The following KANSL1 variants were observed in gnomAD, a reference collection of about 807,000 sequenced individuals.
KANSL1 encodes the protein MLL1/MLL complex subunit KANSL1.
KANSL1 carries 22 observed loss-of-function variants against 103.6 expected under a neutral mutation model. That is an observed-to-expected ratio of 0.21 (90% CI 0.15 to 0.30). The LOEUF (loss-of-function observed/expected upper bound fraction) is 0.30. KANSL1 is among the 10% of genes least tolerant of loss of function. The pLI, the probability that KANSL1 is intolerant of heterozygous loss-of-function variation, is 1.00. For missense variants in KANSL1, 1,337 were observed against 1,399.8 expected, an observed-to-expected ratio of 0.96 and a Z score of 0.72; for synonymous variants, 600 against 527.6, an observed-to-expected ratio of 1.14 and a Z score of -1.88.
intron 1 of KANSL1, among the ~76,000 whole-genome samples, chr17:46,179,614 GA>G (rs2046686484): frequency 6.6e-6 from 1 of 152,224 alleles, no homozygotes; most frequent in East Asian, 1.9e-4. Flanking sequence ...AAGTGTCCAT[GA>G]AGTTGCCGCA....
At chr17:46,094,395 C>T in intron 3 of KANSL1, 165 bp downstream of exon 3, 6 of 844,498 alleles carry the variant, frequency 7.1e-6, no homozygotes, top group Non-Finnish European at 1.1e-5. Context: ...CCACGCGCAG[C>T]CACATCAGGT....
intron 7 of KANSL1, chr17:46,041,020 T>C (rs562729678): frequency 6.6e-6 from 1 of 152,306 alleles, no homozygotes; most frequent in South Asian, 2.1e-4. Context: ...AAAATACTGA[T>C]AGAAATACGG....
At chr17:46,113,798 G>A (rs553995481) in intron 2 of KANSL1, among the ~76,000 whole-genome samples, 2 of 152,258 alleles carry the variant, frequency 1.3e-5, no homozygotes, top group East Asian at 3.9e-4. Context: ...CATTTCAGAT[G>A]TTTCAAGAAA....
At chr17:46,077,683 G>A (rs1463425671) in intron 4 of KANSL1, among the ~76,000 whole-genome samples, 3 of 151,956 alleles carry the variant, frequency 2.0e-5, no homozygotes, top group African/African-American at 4.8e-5. Context: ...TCAGCCTCCC[G>A]AGTAGCTGGG....
intron 10 of KANSL1, chr17:46,037,393 A>T (rs1478720162): frequency 6.6e-6 from 1 of 152,246 alleles, no homozygotes; most frequent in African/African-American, 2.4e-5. Context: ...TTGTAACAGC[A>T]AAGAGAGAAC....
chr17:46,080,014 GGAGA>G (rs1043838141), intron 4 of KANSL1, among the ~76,000 whole-genome samples: 4 of 150,808 alleles, frequency 2.7e-5, no homozygotes, highest in African/African-American at 9.8e-5. Flanking sequence ...AAGAGAGAGG[GGAGA>G]GAGAGACAGA....
intron 2 of KANSL1, among the ~76,000 whole-genome samples, chr17:46,157,853 C>A (rs1267104012): frequency 6.6e-6 from 1 of 152,242 alleles, no homozygotes; most frequent in Admixed American, 6.5e-5. Flanking sequence ...GAATAAGGAT[C>A]TTGAAAAATT....
At chr17:46,209,115 G>A (rs1485223537) in intron 1 of KANSL1, among the ~76,000 whole-genome samples, 1 of 152,068 alleles carries the variant, frequency 6.6e-6, no homozygotes, top group East Asian at 2.0e-4. Flanking sequence ...CCCGGGAGTC[G>A]GAGGTTGCAG....
Position 46,034,298 on chromosome 17 carries a change from A to T in KANSL1, c.2542-13T>A. 1 of 1,612,912 alleles carries T rather than the reference A, an allele frequency of 6.2e-7. No individual in the cohort carries two copies. Among genetic ancestry groups the T allele is most frequent in the Non-Finnish European group, 8.5e-7 (1 of 1,179,572 alleles). On this transcript the variant is annotated splice_polypyrimidine_tract_variant and intron_variant, in intron 10 of 14. Coordinates refer to ENST00000432791, the MANE Select transcript of KANSL1 (RefSeq NM_015443.4). ...TTACTGGCTGCTGCTGTAAGATAAAAATTAAGTTTAAAAGGAAGGTACAAT... is the reference window on the plus strand; with the variant it reads ...TTACTGGCTGCTGCTGTAAGATAAATATTAAGTTTAAAAGGAAGGTACAAT...
chr17:46,089,349 C>T (rs1485856797), intron 3 of KANSL1, among the ~76,000 whole-genome samples: 1 of 151,852 alleles, frequency 6.6e-6, no homozygotes, highest in Non-Finnish European at 1.5e-5. Context: ...TCTGACAGAA[C>T]AGAAACTGGT....
In KANSL1 at chr17:46,050,562, C is replaced by A. The variant is rs368245340; in HGVS notation, c.1991G>T (p.Cys664Phe). The A allele has an allele frequency of 1.9e-6, 3 of 1,614,036 alleles. No homozygotes were observed. Among genetic ancestry groups the A allele is most frequent in the Non-Finnish European group, 2.5e-6 (3 of 1,180,028 alleles). Residue 664 changes from cysteine (C) to phenylalanine (F), a missense_variant, in exon 7 of 15, where the codon TGT (cysteine) becomes TTT (phenylalanine). Coordinates refer to ENST00000432791, the MANE Select transcript of KANSL1 (RefSeq NM_015443.4). ...LLERLSQLDS[C>F]VHPVLAFPDD... is the part of the protein sequence containing the mutation. ...TGGAAATGCTAGAACAGGATGAACA[C>A]AAGAGTCCAACTGGGAAAGACGTTC...
chr17:46,115,989 C>T (rs1420622177), intron 2 of KANSL1, among the ~76,000 whole-genome samples: 1 of 152,182 alleles, frequency 6.6e-6, no homozygotes, highest in East Asian at 1.9e-4. Context: ...CCATTTATGG[C>T]ACATTTTCTG....
intron 2 of KANSL1, among the ~76,000 whole-genome samples, chr17:46,143,132 C>T (rs1013762421): frequency 2.6e-5 from 4 of 152,124 alleles, no homozygotes; most frequent in Non-Finnish European, 4.4e-5. Flanking sequence ...CCTCAAAGGC[C>T]GTAAGATACA....
intron 10 of KANSL1, 60 bp downstream of exon 10, chr17:46,038,478 C>T: frequency 6.3e-7 from 1 of 1,581,044 alleles, no homozygotes; most frequent in Non-Finnish European, 8.6e-7. Flanking sequence ...CCTCTGGAGC[C>T]ACTTGAGTGA....
upstream of KANSL1, chr17:46,193,599 C>T (rs2047481139): frequency 4.9e-6 from 1 of 203,328 alleles, no homozygotes; most frequent in Non-Finnish European, 1.0e-5. Flanking sequence ...GCCGCCGCCT[C>T]AGTCATGGCT....
At chr17:46,057,108 C>CA (rs952545666) in intron 6 of KANSL1, among the ~76,000 whole-genome samples, 2 of 151,362 alleles carry the variant, frequency 1.3e-5, no homozygotes, top group Admixed American at 6.6e-5. Flanking sequence ...AAAAGGAAAA[C>CA]AAAAAAAATA....
intron 2 of KANSL1, among the ~76,000 whole-genome samples, chr17:46,154,840 C>T (rs930237329): frequency 4.6e-5 from 7 of 152,000 alleles, no homozygotes; most frequent in Non-Finnish European, 1.0e-4. Context: ...TTAATCTTTC[C>T]CTTTTATTAT....
rs1428986770 is a variant in KANSL1, at chr17:46,067,398, G to A, written c.1652+151C>T. ...AATATACAATTAATTAAAATGCACT[G>A]CTTCATTATACAGTGAAGATTAAAA... On this transcript the variant is annotated intron_variant, in intron 5 of 14. Transcript: ENST00000432791. 58 of 607,798 alleles carry A rather than the reference G, an allele frequency of 9.5e-5. No individual in the cohort carries two copies. In the East Asian group the frequency reaches 1.6e-3, roughly 17 times the overall value. 37.7% of individuals were successfully genotyped at this position (607,798 alleles called of 1,614,324 possible). A position where few individuals can be genotyped will look rare whatever the true frequency, so the allele number is the denominator to read the frequency against.
Position 46,171,619 on chromosome 17 carries a change from G to C in KANSL1, c.525C>G (p.Ser175=). Residue 175 remains serine (S), a synonymous_variant, in exon 2 of 15, where the codon TCC becomes TCG. Coordinates refer to ENST00000432791, the MANE Select transcript of KANSL1 (RefSeq NM_015443.4). The part of the protein sequence containing the change: ...STHSDHDNST[S]LNGGKRALTS... ...TGAGAGCCCGTTTTCCCCCATTGAG[G>C]GAAGTGGAATTGTCATGATCAGAAT... 6.3e-7 allele frequency: 1 copy of C among 1,575,168 alleles called. No homozygotes were observed. Among genetic ancestry groups the C allele is most frequent in the South Asian group, 1.2e-5 (1 of 85,714 alleles).
Sources: allele counts gnomAD v4.1 joint callset (sites outside exome capture counted in the v4.1 genomes callset), GRCh38; gene constraint gnomAD v4.1.1; transcripts MANE v1.5; gene names NCBI Gene and HGNC (gene_info 2026-07-23, HGNC 2026-07-21).